Variants in SLC27A2 observed in about 807,000 individuals in gnomAD.
The protein encoded by SLC27A2 is solute carrier family 27 member 2, also known as long-chain fatty acid transport protein 2.
In SLC27A2, 54 loss-of-function variants were observed where a neutral mutation model predicts 60.0. The ratio of observed to expected loss-of-function variants is 0.90; its 90% CI spans 0.72 to 1.13. The LOEUF is 1.13. Ranked by LOEUF, SLC27A2 falls within the 50% of genes most tolerant of loss-of-function variation. The pLI is 0.00. For missense variants in SLC27A2, 739 were observed against 777.6 expected (o/e 0.95, Z 0.59); for synonymous variants, 297 against 297.6 (o/e 1.00, Z 0.02).
At chr15:50,227,509 T>C (rs780167880) in intron 7 of SLC27A2, among the ~76,000 whole-genome samples, 1 of 152,214 alleles carries the variant, frequency 6.6e-6, no homozygotes, top group Non-Finnish European at 1.5e-5. Context: ...ACCTTTCCAA[T>C]CATGGAGGTG....
chr15:50,215,227 A>C (rs2140907963), intron 4 of SLC27A2, among the ~76,000 whole-genome samples: 1 of 152,256 alleles, frequency 6.6e-6, no homozygotes, highest in Non-Finnish European at 1.5e-5. Flanking sequence ...TAGCTGCAAA[A>C]AAAATAAAAT....
At chr15:50,204,690 A>G (rs553736689) in intron 3 of SLC27A2, among the ~76,000 whole-genome samples, 111 of 151,692 alleles carry the variant, frequency 7.3e-4, no homozygotes, top group Non-Finnish European at 2.9e-4. Context: ...TCGAGATGGC[A>G]CCACTGCACT....
In SLC27A2 at chr15:50,182,384, G is replaced by A. The variant is rs770927955; in HGVS notation, c.-44G>A. ...CCAGTCGCCGCGCTGCACGCCCGGGGTGAACCCTCTGCCCTCGCTGGGACA... is the reference window on the plus strand; with the variant it reads ...CCAGTCGCCGCGCTGCACGCCCGGGATGAACCCTCTGCCCTCGCTGGGACA... On this transcript the variant is annotated 5_prime_UTR_variant, in exon 1 of 10. It adds an upstream start codon to the 5' untranslated region. Transcript: ENST00000267842. The A allele has an allele frequency of 1.3e-6, 2 of 1,515,414 alleles. No homozygotes were observed. Among genetic ancestry groups the A allele is most frequent in the African/African-American group, 1.4e-5 (1 of 71,744 alleles). 93.9% of individuals were successfully genotyped at this position (1,515,414 alleles called of 1,614,324 possible). A position where few individuals can be genotyped will look rare whatever the true frequency, so the allele number is the denominator to read the frequency against.
chr15:50,202,707 G>C, intron 3 of SLC27A2, 62 bp downstream of exon 3: 1 of 1,571,512 alleles, frequency 6.4e-7, no homozygotes, highest in Non-Finnish European at 8.7e-7. Flanking sequence ...AGAAGGAACA[G>C]TAATACAAAA....
chr15:50,182,498 C>T lies in SLC27A2; in HGVS notation c.71C>T (p.Pro24Leu). Residue 24 changes from proline to leucine, a missense_variant, in exon 1 of 10, where the codon CCA becomes CTA. Physicochemically the swap from Pro to Leu is moderately conservative, Grantham distance 98. Coordinates refer to ENST00000267842, the MANE Select transcript of SLC27A2 (RefSeq NM_003645.4). ...FLPLLVNLCC[P>L]YFFQDIGYFL... ...CCGCTCCTGGTGAACCTCTGCTGCCCATACTTCTTCCAGGACATAGGCTAC... is the reference window on the plus strand; with the variant it reads ...CCGCTCCTGGTGAACCTCTGCTGCCTATACTTCTTCCAGGACATAGGCTAC... 1 of 1,611,798 alleles carries T rather than the reference C, an allele frequency of 6.2e-7. No individual in the cohort carries two copies. Among genetic ancestry groups the T allele is most frequent in the South Asian group, 1.1e-5 (1 of 90,598 alleles).
intron 4 of SLC27A2, among the ~76,000 whole-genome samples, chr15:50,216,592 T>TGCG (rs1209803757): frequency 3.4e-5 from 3 of 89,016 alleles, no homozygotes; most frequent in African/African-American, 1.2e-4. Flanking sequence ...ATAAAGAAAC[T>TGCG]GTGGTGTGTG....
intron 4 of SLC27A2, among the ~76,000 whole-genome samples, chr15:50,207,999 G>A (rs544026077): frequency 2.0e-5 from 3 of 151,880 alleles, no homozygotes; most frequent in Admixed American, 1.3e-4. Flanking sequence ...ATGGGGGAAG[G>A]GCCTGGATCA....
intron 4 of SLC27A2, 81 bp downstream of exon 4, chr15:50,205,444 A>G (rs2045104648): frequency 5.7e-6 from 8 of 1,408,074 alleles, no homozygotes; most frequent in Non-Finnish European, 6.8e-6. Flanking sequence ...CTAGGCTTCA[A>G]CTGATTTGCA....
rs767102951 is a variant in SLC27A2, at chr15:50,226,038, T to A, written c.1218T>A (p.Pro406=). 1 of 1,612,058 alleles carries A rather than the reference T, an allele frequency of 6.2e-7. No homozygotes were observed. Among genetic ancestry groups the A allele is most frequent in the Non-Finnish European group, 8.5e-7 (1 of 1,178,196 alleles). ...AATATGATGTGGAGAAAGATGAACC[T>A]GTCCGTGATGAAAATGGATATTGCG... is the stretch of plus-strand genomic sequence containing the variant. ...LIKYDVEKDE[P]VRDENGYCVR... The change falls in exon 6 of 10, where the codon CCT becomes CCA. Residue 406 remains proline, a synonymous_variant. Transcript: ENST00000267842.
At chr15:50,225,552 A>G (rs144523227) in intron 5 of SLC27A2, among the ~76,000 whole-genome samples, 3,523 of 152,330 alleles carry the variant, frequency 0.023, 59 homozygotes, top group Non-Finnish European at 0.035. Flanking sequence ...TAACAGCTTT[A>G]TTTATAATAG....
chr15:50,215,652 A>G (rs891141395), intron 4 of SLC27A2, among the ~76,000 whole-genome samples: 3 of 152,218 alleles, frequency 2.0e-5, no homozygotes, highest in Non-Finnish European at 4.4e-5. Flanking sequence ...GAACCCAGAA[A>G]TAAAGCTAAA....
At position 50,182,656 on chromosome 15, in the gene SLC27A2, G is replaced by A. The variant is rs770213875; in HGVS notation, c.229G>A (p.Glu77Lys). ...PHKPFLLFRD[E>K]TLTYAQVDRR... ...CAAGCCTTTTCTGCTCTTCCGCGAC[G>A]AGACTCTCACCTACGCGCAGGTGGA... The change falls in exon 1 of 10, where the codon GAG becomes AAG. Residue 77 changes from glutamate to lysine, a missense_variant. By Grantham distance (56) the Glu-to-Lys change is moderately conservative. Coordinates refer to ENST00000267842, the MANE Select transcript of SLC27A2 (RefSeq NM_003645.4). The A allele has an allele frequency of 3.1e-6, 5 of 1,614,026 alleles. No homozygotes were observed. The highest frequency in any genetic ancestry group is 1.6e-4 in the Middle Eastern group (1 of 6,062).
At chr15:50,207,915 A>G (rs2045125741) in intron 4 of SLC27A2, among the ~76,000 whole-genome samples, 1 of 151,622 alleles carries the variant, frequency 6.6e-6, no homozygotes, top group South Asian at 2.1e-4. Context: ...TACAGATTGT[A>G]TGGGATGTAG....
intron 4 of SLC27A2, among the ~76,000 whole-genome samples, chr15:50,213,811 G>A (rs574866277): frequency 3.3e-5 from 5 of 152,018 alleles, no homozygotes; most frequent in South Asian, 2.1e-4. Context: ...CAACAAAGGC[G>A]GTGCTAAGAG....
At chr15:50,234,975 G>A (rs7163191) in intron 9 of SLC27A2, among the ~76,000 whole-genome samples, 24,223 of 151,586 alleles carry the variant, frequency 0.16, 2,028 homozygotes, top group African/African-American at 0.21. Flanking sequence ...ACACCTTTCT[G>A]TGGTGTGAAA....
In SLC27A2 at chr15:50,201,820, G is replaced by A. The variant is rs544087882; in HGVS notation, c.689-667G>A. ...TCCGCCCGCCTCAGCCTCCCAAAGT[G>A]TTAGGATTACAGGCGTGAGCCACCG... On this transcript the variant is annotated intron_variant, in intron 2 of 9. Transcript: ENST00000267842. Among the ~76,000 whole-genome samples the A allele has an allele frequency of 2.3e-3, 357 of 152,234 alleles. 1 individual carries two copies. Among genetic ancestry groups the A allele is most frequent in the African/African-American group, 8.4e-3 (349 of 41,538 alleles).
chr15:50,208,024 T>G (rs533251505), intron 4 of SLC27A2, among the ~76,000 whole-genome samples: 1 of 151,354 alleles, frequency 6.6e-6, no homozygotes, highest in Non-Finnish European at 1.5e-5. Context: ...AATCAGGAAC[T>G]TCTTCACCCT....
intron 4 of SLC27A2, among the ~76,000 whole-genome samples, chr15:50,209,238 C>T (rs771447866): frequency 3.9e-5 from 6 of 152,148 alleles, no homozygotes; most frequent in Non-Finnish European, 5.9e-5. Flanking sequence ...GTGGTCCCTT[C>T]TAGCCTAAAA....
intron 1 of SLC27A2, among the ~76,000 whole-genome samples, chr15:50,184,768 C>T (rs1409356850): frequency 6.6e-6 from 1 of 151,998 alleles, no homozygotes; most frequent in Non-Finnish European, 1.5e-5. Context: ...ACCCAGGAGG[C>T]AGAGGTTTCA....
Sources: allele counts gnomAD v4.1 joint callset (sites outside exome capture counted in the v4.1 genomes callset), GRCh38; gene constraint gnomAD v4.1.1; transcripts MANE v1.5; gene names NCBI Gene and HGNC (gene_info 2026-07-23, HGNC 2026-07-21).